Variants in POLD2 observed in about 807,000 individuals in gnomAD.
POLD2 encodes the protein DNA polymerase delta subunit 2.
Under a neutral mutation model 48.8 loss-of-function variants are expected in POLD2, and 31 were observed. That is an observed-to-expected ratio of 0.64 (90% CI 0.48 to 0.86). The LOEUF is 0.86. Among genes scored for constraint, POLD2 ranks in the 40% least tolerant of loss-of-function variants. The pLI, the probability that POLD2 is intolerant of heterozygous loss-of-function variation, is 0.00. For synonymous variants in POLD2, 233 were observed against 256.3 expected (o/e 0.91, Z 0.87); for missense variants, 455 against 610.1 (o/e 0.75, Z 2.68).
chr7:44,123,574 A>G (rs2096251379), upstream of POLD2: 2 of 1,467,156 alleles, frequency 1.4e-6, no homozygotes, highest in South Asian at 2.6e-5. Context: ...GCAACTCGCT[A>G]ATCCCCGCGC....
Position 44,114,941 on chromosome 7 carries a change from A to G in POLD2, c.1254T>C (p.Pro418=). The G allele has an allele frequency of 2.5e-6, 4 of 1,602,616 alleles. No homozygotes were observed. The highest frequency in any genetic ancestry group is 3.3e-4 in the Middle Eastern group (2 of 6,030). Residue 418 remains proline (P), a synonymous_variant, in exon 11 of 11, where the codon CCT becomes CCC. Coordinates refer to ENST00000610533, the MANE Select transcript of POLD2 (RefSeq NM_006230.4). ...PSFGSKIIRG[P]EDQTVLLVTV... is the part of the protein sequence containing the mutation. ...TCACCAACAGCACTGTCTGGTCCTCAGGACCTGCAAAGAAGTCACATAGGA... is the reference window on the plus strand; with the variant it reads ...TCACCAACAGCACTGTCTGGTCCTCGGGACCTGCAAAGAAGTCACATAGGA...
chr7:44,115,593 A>G, intron 9 of POLD2, 173 bp downstream of exon 9: 1 of 810,328 alleles, frequency 1.2e-6, no homozygotes, highest in Non-Finnish European at 1.9e-6. Flanking sequence ...CATTGGCCTT[A>G]GAATTAAGAT....
rs751410431 is a variant in POLD2, at chr7:44,115,734, C to G, written c.1147+32G>C. 1.9e-6 allele frequency: 3 copies of G among 1,609,020 alleles called. No homozygotes were observed. In the South Asian group the frequency reaches 3.3e-5, roughly 18 times the overall value. Reference sequence around the variant, plus strand: ...GGGTCCTGCCAGGCCTCCTGGCCCTCTGCTCCCACCCTGTATGGCTGAGCC... The same window carrying G: ...GGGTCCTGCCAGGCCTCCTGGCCCTGTGCTCCCACCCTGTATGGCTGAGCC... On this transcript the variant is annotated intron_variant, in intron 9 of 10. Transcript: ENST00000610533.
rs777710697 is a variant in POLD2, at chr7:44,114,847, T to A, written c.1348A>T (p.Ile450Phe). Residue 450 changes from isoleucine to phenylalanine, a missense_variant, in exon 11 of 11, where the codon ATC becomes TTC. Physicochemically the swap from Ile to Phe is conservative, Grantham distance 21 (BLOSUM62 0). This residue lies in a region of POLD2 where 98 missense variants were observed against 138.6 expected (regional missense o/e 0.71). Coordinates refer to ENST00000610533, the MANE Select transcript of POLD2 (RefSeq NM_006230.4). The part of the protein sequence containing the change: ...VNLRSLACQP[I>F]SFSGFGAEDD... Reference sequence around the variant, plus strand: ...TCTGCCCCGAAGCCCGAGAAGCTGATGGGCTGGCAGGCCAGGCTGCGCAGG... The same window carrying A: ...TCTGCCCCGAAGCCCGAGAAGCTGAAGGGCTGGCAGGCCAGGCTGCGCAGG... 6.2e-7 allele frequency: 1 copy of A among 1,613,998 alleles called. No individual in the cohort carries two copies. The highest frequency in any genetic ancestry group is 8.5e-7 in the Non-Finnish European group (1 of 1,179,912).
At chr7:44,120,427 G>A (rs1223505866) in intron 2 of POLD2, among the ~76,000 whole-genome samples, 1 of 152,190 alleles carries the variant, frequency 6.6e-6, no homozygotes, top group Non-Finnish European at 1.5e-5. Flanking sequence ...AGGAAAGTGA[G>A]GAAAAGCTAC....
intron 1 of POLD2, 97 bp downstream of exon 1, chr7:44,123,414 A>T (rs957436936): frequency 2.7e-6 from 4 of 1,456,514 alleles, no homozygotes; most frequent in Admixed American, 2.5e-5. Flanking sequence ...CAGCTGCGGG[A>T]CGTCCGCCAA....
At chr7:44,120,762 C>T (rs1583568983) in intron 2 of POLD2, among the ~76,000 whole-genome samples, 1 of 152,296 alleles carries the variant, frequency 6.6e-6, no homozygotes, top group East Asian at 1.9e-4. Flanking sequence ...TTTCCCTTCA[C>T]CTTCTGCCAT....
chr7:44,115,418 T>G, intron 9 of POLD2, 22 bp from the exon 10 acceptor site: 3 of 1,467,640 alleles, frequency 2.0e-6, no homozygotes, highest in Non-Finnish European at 2.9e-6. Context: ...GGGGCAGCTC[T>G]GAGGAGGGTT....
At chr7:44,123,901 C>T (rs2128813600), upstream of POLD2, among the ~76,000 whole-genome samples, 1 of 152,372 alleles carries the variant, frequency 6.6e-6, no homozygotes, top group East Asian at 1.9e-4. Flanking sequence ...CAGTGGTCGG[C>T]CGCCAGCCTC....
Position 44,115,805 on chromosome 7 carries a change from G to A in POLD2, c.1108C>T (p.Arg370Trp), listed in dbSNP as rs762578568. Reference sequence around the variant, plus strand: ...GCTGTGGGGCTGATGTGACGGACCCGCAGGGTCCACTCCAGGATCTCCAAG... The same window carrying A: ...GCTGTGGGGCTGATGTGACGGACCCACAGGGTCCACTCCAGGATCTCCAAG... Reference protein sequence around the residue: ...DHLEILEWTLRVRHISPTAPD... With the variant: ...DHLEILEWTLWVRHISPTAPD... The change falls in exon 9 of 11, where the codon CGG becomes TGG. Residue 370 changes from arginine (R) to tryptophan (W), a missense_variant. Physicochemically the swap from Arg to Trp is moderately radical, Grantham distance 101 (BLOSUM62 -3). Transcript: ENST00000610533. The A allele has an allele frequency of 2.1e-5, 34 of 1,613,752 alleles. No homozygotes were observed. The highest frequency in any genetic ancestry group is 5.5e-5 in the South Asian group (5 of 91,080).
At position 44,116,345 on chromosome 7, in the gene POLD2, C is replaced by A; in HGVS notation, c.862-73G>T. Reference sequence around the variant, plus strand: ...CCTACACCAACTCCGGCCACTCCCCCTGCCCTCCTGCCTGCCTTCTGTTGC... The same window carrying A: ...CCTACACCAACTCCGGCCACTCCCCATGCCCTCCTGCCTGCCTTCTGTTGC... On this transcript the variant is annotated intron_variant, in intron 7 of 10. Transcript: ENST00000610533. This position sits in a 1 kb window ranked among gnomAD's most constrained non-coding sequence, Gnocchi z 6.1. The A allele has an allele frequency of 6.3e-7, 1 of 1,597,838 alleles. No individual in the cohort carries two copies. The highest frequency in any genetic ancestry group is 8.6e-7 in the Non-Finnish European group (1 of 1,169,484).
intron 1 of POLD2, chr7:44,122,355 T>C (rs1454784507): frequency 7.7e-7 from 1 of 1,290,760 alleles, no homozygotes; most frequent in Admixed American, 3.9e-5. Context: ...TCCCGAACCC[T>C]AGACTCAGGT....
intron 4 of POLD2, 72 bp downstream of exon 4, chr7:44,117,547 C>T: frequency 6.5e-7 from 1 of 1,538,918 alleles, no homozygotes. Context: ...GCTCCCCACT[C>T]ACACCATCCC....
At position 44,121,825 on chromosome 7, in the gene POLD2, C is replaced by G; in HGVS notation, c.220+9G>C. ...TGTGGGGGAAGCACCTTCCCAAACT[C>G]TCACTTACCCCAGTGCTGCTGGGCC... is the stretch of plus-strand genomic sequence containing the variant. On this transcript the variant is annotated intron_variant, in intron 2 of 10. Transcript: ENST00000610533. This position sits in a 1 kb window ranked among gnomAD's most constrained non-coding sequence, Gnocchi z 4.5. 1 of 1,607,890 alleles carries G rather than the reference C, an allele frequency of 6.2e-7. No individual in the cohort carries two copies.
chr7:44,123,208 G>A, intron 1 of POLD2: 1 of 1,253,202 alleles, frequency 8.0e-7, no homozygotes, highest in Admixed American at 4.3e-5. Context: ...CTAGCGGCTT[G>A]CAATCTATCT....
intron 2 of POLD2, among the ~76,000 whole-genome samples, chr7:44,118,872 G>A (rs190765870): frequency 6.6e-6 from 1 of 152,084 alleles, no homozygotes; most frequent in Admixed American, 6.6e-5. Context: ...AGCGCCTACA[G>A]GAAACTAATA....
At chr7:44,119,656 TGTATGCCCCTGA>T (rs2096245660) in intron 2 of POLD2, among the ~76,000 whole-genome samples, 1 of 152,122 alleles carries the variant, frequency 6.6e-6, no homozygotes, top group African/African-American at 2.4e-5. Context: ...GGGATCCAAG[TGTATGCCCCTGA>T]GCACTGGGCA....
intron 1 of POLD2, 36 bp downstream of exon 1, chr7:44,123,475 C>A: frequency 6.7e-7 from 1 of 1,497,060 alleles, no homozygotes; most frequent in East Asian, 2.8e-5. Flanking sequence ...GGAACTGCCA[C>A]CCCCAGCTGA....
chr7:44,121,975 C>G lies in POLD2; in HGVS notation c.79G>C (p.Val27Leu). Residue 27 changes from valine (V) to leucine (L), a missense_variant, in exon 2 of 11, where the codon GTG becomes CTG. This residue lies in a region of POLD2 where 349 missense variants were observed against 437.4 expected (regional missense o/e 0.80). Coordinates refer to ENST00000610533, the MANE Select transcript of POLD2 (RefSeq NM_006230.4). The surrounding 1 kb of genome is among the most constrained non-coding windows in gnomAD (Gnocchi z 4.5). ...PSANNATFARVPVATYTNSSQ... is the reference protein window; with the variant it reads ...PSANNATFARLPVATYTNSSQ... ...GAGTTGGTGTAGGTTGCCACTGGCA[C>G]CCGGGCAAAGGTGGCATTGTTGGCT... The G allele has an allele frequency of 3.1e-6, 5 of 1,613,886 alleles. No individual in the cohort carries two copies. The highest frequency in any genetic ancestry group is 4.2e-6 in the Non-Finnish European group (5 of 1,180,046).
Sources: gnomAD v4.1 joint callset for allele counts (sites outside exome capture counted in the v4.1 genomes callset) on GRCh38, gnomAD v4.1.1 for gene constraint, gnomAD v4.1.1 regional missense constraint, Gnocchi (gnomAD v3.1) non-coding constraint, MANE v1.5 for transcripts, NCBI Gene and HGNC (gene_info 2026-07-23, HGNC 2026-07-21) for gene names.